ARHGAP24: variants seen among roughly 807,000 people sequenced by gnomAD.
ARHGAP24 encodes the protein rho GTPase-activating protein 24.
In ARHGAP24, 50 loss-of-function variants were observed where a neutral mutation model predicts 76.4. The ratio of observed to expected loss-of-function variants is 0.65; its 90% CI spans 0.52 to 0.83. The LOEUF (loss-of-function observed/expected upper bound fraction) is 0.83, where lower values mean the gene tolerates loss of function less well. ARHGAP24 is among the 40% of genes least tolerant of loss of function. The pLI, the probability that ARHGAP24 is intolerant of heterozygous loss-of-function variation, is 0.00. For synonymous variants in ARHGAP24, 345 were observed against 323.3 expected (o/e 1.07, Z -0.72); for missense variants, 930 against 914.2 (o/e 1.02, Z -0.22).
intron 1 of ARHGAP24, among the ~76,000 whole-genome samples, chr4:85,482,397 T>A (rs1022695111): frequency 1.4e-4 from 22 of 152,144 alleles, no homozygotes; most frequent in Admixed American, 5.2e-4. Flanking sequence ...TCAGTACCTA[T>A]AAGATTAGGT....
intron 8 of ARHGAP24, among the ~76,000 whole-genome samples, chr4:85,982,680 T>C (rs576452146): frequency 6.6e-6 from 1 of 152,352 alleles, no homozygotes; most frequent in South Asian, 2.1e-4. Context: ...GTTAGATGTT[T>C]ATTGTGTCTC....
chr4:85,851,770 A>G (rs1731248931), intron 3 of ARHGAP24, among the ~76,000 whole-genome samples: 1 of 152,180 alleles, frequency 6.6e-6, no homozygotes, highest in African/African-American at 2.4e-5. Flanking sequence ...AATGTTGAAT[A>G]TTGGCCCCCA....
chr4:86,000,411 G>A (rs1324082477), intron 9 of ARHGAP24, 68 bp from the exon 10 acceptor site: 3 of 1,125,570 alleles, frequency 2.7e-6, no homozygotes, highest in Middle Eastern at 2.0e-4. Context: ...TGCATTTCAA[G>A]TGAATAAAAT....
intron 3 of ARHGAP24, among the ~76,000 whole-genome samples, chr4:85,865,481 A>C (rs345347): frequency 1.4e-5 from 2 of 147,178 alleles, no homozygotes; most frequent in African/African-American, 2.5e-5. Flanking sequence ...TAGTAGTATA[A>C]ACAAATAATA....
chr4:85,925,311 A>G (rs1346943240), intron 4 of ARHGAP24, among the ~76,000 whole-genome samples: 1 of 152,216 alleles, frequency 6.6e-6, no homozygotes, highest in Non-Finnish European at 1.5e-5. Context: ...CCCGCTGCCC[A>G]TTAGTAGCCA....
At chr4:85,657,850 G>T (rs1017855670) in intron 2 of ARHGAP24, among the ~76,000 whole-genome samples, 3 of 152,200 alleles carry the variant, frequency 2.0e-5, no homozygotes, top group Non-Finnish European at 2.9e-5. Flanking sequence ...TGCCTCCCGG[G>T]TTCAAGTGAT....
At chr4:85,556,506 C>G (rs1019955216) in intron 1 of ARHGAP24, among the ~76,000 whole-genome samples, 1 of 152,108 alleles carries the variant, frequency 6.6e-6, no homozygotes, top group Non-Finnish European at 1.5e-5. Flanking sequence ...TTCCCCAGCC[C>G]GAGGACAGTC....
At chr4:85,711,087 T>G (rs901537709) in intron 2 of ARHGAP24, among the ~76,000 whole-genome samples, 6 of 152,168 alleles carry the variant, frequency 3.9e-5, no homozygotes, top group Admixed American at 2.6e-4. Flanking sequence ...CAAGATCATG[T>G]CCTTTAGAGG....
At position 85,837,644 on chromosome 4, in the gene ARHGAP24, G is replaced by A. The variant is rs60064400; in HGVS notation, c.269-86004G>A. Among the ~76,000 whole-genome samples the A allele has an allele frequency of 2.0e-3, 308 of 152,230 alleles. 3 individuals carry two copies. Among genetic ancestry groups the A allele is most frequent in the African/African-American group, 6.5e-3 (271 of 41,534 alleles). ...GGACTCCGAGGTTGCAGTTCTCATG[G>A]GGGTGGGGACTTGAAATGACAAGTG... On this transcript the variant is annotated intron_variant, in intron 3 of 9. Coordinates refer to ENST00000395184, the MANE Select transcript of ARHGAP24 (RefSeq NM_001025616.3).
chr4:85,746,228 G>C (rs1344768401), intron 3 of ARHGAP24, among the ~76,000 whole-genome samples: 2 of 152,208 alleles, frequency 1.3e-5, no homozygotes, highest in African/African-American at 4.8e-5. Flanking sequence ...CCAGTTTCCA[G>C]GAATGGATAG....
intron 3 of ARHGAP24, among the ~76,000 whole-genome samples, chr4:85,751,479 A>C (rs1726263757): frequency 6.6e-6 from 1 of 152,212 alleles, no homozygotes; most frequent in Non-Finnish European, 1.5e-5. Context: ...GGCCAAAATC[A>C]GTCAAAAATT....
intron 2 of ARHGAP24, among the ~76,000 whole-genome samples, chr4:85,672,154 C>G (rs1415953901): frequency 6.6e-6 from 1 of 152,078 alleles, no homozygotes; most frequent in African/African-American, 2.4e-5. Context: ...TTAAATTTCT[C>G]TTAAAAATAC....
intron 1 of ARHGAP24, among the ~76,000 whole-genome samples, chr4:85,556,516 C>G (rs1726377838): frequency 6.6e-6 from 1 of 152,150 alleles, no homozygotes; most frequent in South Asian, 2.1e-4. Context: ...CGAGGACAGT[C>G]AGGGCAGTAC....
chr4:85,634,868 T>C (rs930969169), intron 2 of ARHGAP24, among the ~76,000 whole-genome samples: 1 of 151,844 alleles, frequency 6.6e-6, no homozygotes, highest in African/African-American at 2.4e-5. Flanking sequence ...CTGTGATTAA[T>C]TCTTTCTCAT....
At chr4:85,728,480 T>C (rs961377517) in intron 3 of ARHGAP24, among the ~76,000 whole-genome samples, 23 of 152,308 alleles carry the variant, frequency 1.5e-4, no homozygotes, top group African/African-American at 5.5e-4. Context: ...TAAACTGTTA[T>C]TTGTAATTAT....
rs1168562084 is a variant in ARHGAP24 at position 85,541,444 on chromosome 4, C to T, written c.-20-29078C>T. Among the ~76,000 whole-genome samples the T allele has an allele frequency of 1.3e-4, 16 of 121,028 alleles. 1 individual carries two copies. Among genetic ancestry groups the T allele is most frequent in the South Asian group, 2.2e-4 (1 of 4,632 alleles). 79.4% of individuals were successfully genotyped at this position (121,028 alleles called of 152,430 possible). A position where few individuals can be genotyped will look rare whatever the true frequency, so the allele number is the denominator to read the frequency against. The stretch of plus-strand genomic sequence containing the variant: ...CTGGGATTACAGGCGTGAGCCACCG[C>T]GCCCGGCCCATCCATGACCTTTAAT... On this transcript the variant is annotated intron_variant, in intron 1 of 9. Coordinates refer to ENST00000395184, the MANE Select transcript of ARHGAP24 (RefSeq NM_001025616.3).
intron 2 of ARHGAP24, among the ~76,000 whole-genome samples, chr4:85,590,049 T>G (rs950885025): frequency 6.6e-6 from 1 of 152,258 alleles, no homozygotes; most frequent in Non-Finnish European, 1.5e-5. Context: ...TAATACTTAC[T>G]GTGTAATCAC....
intron 2 of ARHGAP24, among the ~76,000 whole-genome samples, chr4:85,696,074 G>A (rs1254720096): frequency 2.6e-5 from 4 of 152,054 alleles, no homozygotes; most frequent in Admixed American, 2.6e-4. Flanking sequence ...TAATCTCTCA[G>A]AATATATGAA....
intron 3 of ARHGAP24, among the ~76,000 whole-genome samples, chr4:85,771,891 T>G (rs1353188923): frequency 6.6e-6 from 1 of 152,088 alleles, no homozygotes; most frequent in Non-Finnish European, 1.5e-5. Context: ...ATATTTTTAG[T>G]AGAGACAGGG....
Sources: gnomAD v4.1 joint callset for allele counts (sites outside exome capture counted in the v4.1 genomes callset) on GRCh38, gnomAD v4.1.1 for gene constraint, MANE v1.5 for transcripts, NCBI Gene and HGNC (gene_info 2026-07-23, HGNC 2026-07-21) for gene names.